Variants in KBTBD12 observed in about 807,000 individuals in gnomAD.
KBTBD12 encodes kelch repeat and BTB domain containing 12.
Under a neutral mutation model 58.7 loss-of-function variants are expected in KBTBD12, and 53 were observed. That is an observed-to-expected ratio of 0.90 (90% CI 0.72 to 1.14). The LOEUF (loss-of-function observed/expected upper bound fraction) is 1.14, where lower values mean the gene tolerates loss of function less well. Ranked by LOEUF, KBTBD12 falls within the 50% of genes most tolerant of loss-of-function variation. The pLI is 0.00. For missense variants in KBTBD12, 704 were observed against 751.3 expected (o/e 0.94, Z 0.74); for synonymous variants, 236 against 259.8 (o/e 0.91, Z 0.88).
chr3:127,982,175 T>C (rs1417689501), intron 5 of KBTBD12, among the ~76,000 whole-genome samples: 1 of 152,072 alleles, frequency 6.6e-6, no homozygotes, highest in Non-Finnish European at 1.5e-5. Context: ...AATTATCAGG[T>C]GAAAAGAAAG....
chr3:127,979,984 G>A lies in KBTBD12; in HGVS notation c.1691-4113G>A, dbSNP rs566441556. Among the ~76,000 whole-genome samples, 3 of 152,370 alleles carry A rather than the reference G, an allele frequency of 2.0e-5. No homozygotes were observed. In the South Asian group the frequency reaches 6.2e-4, roughly 32 times the overall value. ...CATGTACTAACACATACACTCAGCT[G>A]GAGATGTTAAAACATTTTCCTAAAT... On this transcript the variant is annotated intron_variant, in intron 5 of 5. Transcript: ENST00000405109.
chr3:127,982,878 A>G (rs1384109218), intron 5 of KBTBD12, among the ~76,000 whole-genome samples: 2 of 152,290 alleles, frequency 1.3e-5, no homozygotes, highest in South Asian at 2.1e-4. Context: ...CCCCGCTCAC[A>G]GCGTTCTAAA....
chr3:127,927,835 G>T lies in KBTBD12; in HGVS notation c.1142G>T (p.Gly381Val). The T allele has an allele frequency of 6.2e-7, 1 of 1,610,758 alleles. No individual in the cohort carries two copies. The highest frequency in any genetic ancestry group is 8.5e-7 in the Non-Finnish European group (1 of 1,178,144). The change falls in exon 3 of 6, where the codon GGC (glycine) becomes GTC (valine). Residue 381 changes from glycine to valine, a missense_variant. Gly to Val is a moderately radical substitution (Grantham distance 109). Transcript: ENST00000405109. ...GAATTTCGAGAACTCTATGCTCTGG[G>T]CAGTATTCATAATGACCTTTATGTT... ...TAEFRELYAL[G>V]SIHNDLYVIG...
At position 127,915,402 on chromosome 3, in the gene KBTBD12, C is replaced by A. The variant is rs116271595; in HGVS notation, c.-297C>A. The A allele has an allele frequency of 0.057, 8,681 of 152,888 alleles. 282 individuals carry two copies. The highest frequency in any genetic ancestry group is 0.097 in the East Asian group (503 of 5,192). 9.5% of individuals were successfully genotyped at this position (152,888 alleles called of 1,614,324 possible). A position where few individuals can be genotyped will look rare whatever the true frequency, so the allele number is the denominator to read the frequency against. The stretch of plus-strand genomic sequence containing the variant: ...AGGGCAGCACCTGTCCCCTCGGAGG[C>A]GCTGCCAGCGCCCTCCCTCCTCCTC... On this transcript the variant is annotated 5_prime_UTR_variant, in exon 1 of 6. Transcript: ENST00000405109.
chr3:127,927,637 G>A (rs1052849658), intron 2 of KBTBD12, 127 bp from the exon 3 acceptor site: 1 of 671,946 alleles, frequency 1.5e-6, no homozygotes, highest in Admixed American at 2.9e-5. Flanking sequence ...TTGTATTAAT[G>A]TTTTTTGTCC....
chr3:127,946,144 T>G (rs1438267875), intron 4 of KBTBD12, among the ~76,000 whole-genome samples: 1 of 152,216 alleles, frequency 6.6e-6, no homozygotes, highest in Non-Finnish European at 1.5e-5. Context: ...TGTTATATAG[T>G]TTATATACCT....
At chr3:127,933,564 G>C (rs1939757741) in intron 4 of KBTBD12, among the ~76,000 whole-genome samples, 2 of 152,086 alleles carry the variant, frequency 1.3e-5, no homozygotes, top group Admixed American at 1.3e-4. Context: ...AACATGCAGC[G>C]CCATAGACAG....
At chr3:127,959,895 G>T (rs977808610) in intron 4 of KBTBD12, among the ~76,000 whole-genome samples, 2 of 152,220 alleles carry the variant, frequency 1.3e-5, no homozygotes, top group African/African-American at 4.8e-5. Context: ...ACCAGGGTCT[G>T]AGTGTTTCCA....
chr3:127,939,713 C>A (rs1939911465), intron 4 of KBTBD12, among the ~76,000 whole-genome samples: 1 of 149,846 alleles, frequency 6.7e-6, no homozygotes. Context: ...ACAGAGAGAC[C>A]AAACAAAGCA....
intron 5 of KBTBD12, among the ~76,000 whole-genome samples, chr3:127,979,959 C>T (rs1576398071): frequency 6.6e-6 from 1 of 152,180 alleles, no homozygotes; most frequent in Non-Finnish European, 1.5e-5. Context: ...AGTGCACATG[C>T]ATGTACTAAC....
rs777336867 is a variant in KBTBD12 at position 127,927,816 on chromosome 3, C to T, written c.1123C>T (p.Arg375Ter). 27 of 1,592,592 alleles carry T rather than the reference C, an allele frequency of 1.7e-5. No individual in the cohort carries two copies. The highest frequency in any genetic ancestry group is 2.3e-5 in the South Asian group (2 of 87,776). Reference sequence around the variant, plus strand: ...GGAAAAGTTATGCACAGCTGAATTTCGAGAACTCTATGCTCTGGGCAGTAT... The same window carrying T: ...GGAAAAGTTATGCACAGCTGAATTTTGAGAACTCTATGCTCTGGGCAGTAT... Reference protein sequence around the residue: ...FWEKLCTAEFRELYALGSIHN... With the variant: ...FWEKLCTAEF Residue 375 changes from arginine (R) to a stop codon, truncating the protein, a stop_gained, in exon 3 of 6, where the codon CGA becomes TGA. Transcript: ENST00000405109. LOFTEE classifies it high-confidence loss of function.
intron 4 of KBTBD12, among the ~76,000 whole-genome samples, chr3:127,955,392 G>A (rs991483916): frequency 6.6e-6 from 1 of 152,282 alleles, no homozygotes. Flanking sequence ...TACATAAAAG[G>A]TTCAAATTAT....
chr3:127,933,681 A>G (rs1269574140), intron 4 of KBTBD12, among the ~76,000 whole-genome samples: 2 of 152,148 alleles, frequency 1.3e-5, no homozygotes, highest in Non-Finnish European at 2.9e-5. Context: ...CTTGGAAACT[A>G]TTTGAACTTT....
At chr3:127,936,114 T>C (rs1026529433) in intron 4 of KBTBD12, among the ~76,000 whole-genome samples, 4 of 152,044 alleles carry the variant, frequency 2.6e-5, no homozygotes, top group African/African-American at 9.7e-5. Context: ...GCCTGTAATC[T>C]CAGCACTTTG....
intron 4 of KBTBD12, among the ~76,000 whole-genome samples, chr3:127,930,987 T>G (rs1939688114): frequency 6.6e-6 from 1 of 152,138 alleles, no homozygotes; most frequent in Admixed American, 6.6e-5. Context: ...CTCTATCACC[T>G]TCCCTCACCT....
chr3:127,945,511 C>G (rs778493188), intron 4 of KBTBD12, among the ~76,000 whole-genome samples: 50 of 151,536 alleles, frequency 3.3e-4, no homozygotes, highest in Non-Finnish European at 2.8e-4. Flanking sequence ...ATGGTGATGT[C>G]TCTGTGGTTT....
chr3:127,981,037 T>C (rs1034668457), intron 5 of KBTBD12, among the ~76,000 whole-genome samples: 20 of 152,248 alleles, frequency 1.3e-4, no homozygotes, highest in African/African-American at 4.3e-4. Flanking sequence ...TACTTTTCTT[T>C]ACTGGAGTAC....
At chr3:127,979,328 C>T (rs1413156422) in intron 5 of KBTBD12, among the ~76,000 whole-genome samples, 1 of 152,198 alleles carries the variant, frequency 6.6e-6, no homozygotes, top group Non-Finnish European at 1.5e-5. Context: ...AAAGCAGTCT[C>T]TAAGACTTAG....
At position 127,930,160 on chromosome 3, in the gene KBTBD12, C is replaced by G; in HGVS notation, c.1369C>G (p.Arg457Gly). The change falls in exon 4 of 6, where the codon CGA becomes GGA. Residue 457 changes from arginine to glycine, a missense_variant. Arg to Gly is a moderately radical substitution (Grantham distance 125). Coordinates refer to ENST00000405109, the MANE Select transcript of KBTBD12 (RefSeq NM_207335.4). The stretch of plus-strand genomic sequence containing the variant: ...GGATCTTCCTGATGAAGAACCTGAT[C>G]GATTAAGCAACAAACTGTTGCAGTA... ...QMDLPDEEPD[R>G]LSNKLLQYDP... 1.3e-6 allele frequency: 2 copies of G among 1,594,396 alleles called. No homozygotes were observed. The highest frequency in any genetic ancestry group is 1.7e-6 in the Non-Finnish European group (2 of 1,169,310).
Sources: allele counts gnomAD v4.1 joint callset (sites outside exome capture counted in the v4.1 genomes callset), GRCh38; gene constraint gnomAD v4.1.1; transcripts MANE v1.5; gene names NCBI Gene and HGNC (gene_info 2026-07-23, HGNC 2026-07-21).